CLMN: variants seen among roughly 807,000 people sequenced by gnomAD.
CLMN encodes calmin.
CLMN carries 57 observed loss-of-function variants against 92.7 expected under a neutral mutation model. The ratio of observed to expected loss-of-function variants is 0.61; its 90% confidence interval spans 0.50 to 0.77. The LOEUF (loss-of-function observed/expected upper bound fraction) is 0.77, where lower values mean the gene tolerates loss of function less well. CLMN is among the 30% of genes least tolerant of loss of function. CLMN has a pLI of 0.00. For missense variants in CLMN, 1,158 were observed against 1,237.5 expected (o/e 0.94, Z 0.96); for synonymous variants, 466 against 470.6 (o/e 0.99, Z 0.13).
At chr14:95,254,841 C>T (rs1336548081) in intron 1 of CLMN, among the ~76,000 whole-genome samples, 1 of 152,110 alleles carries the variant, frequency 6.6e-6, no homozygotes, top group Non-Finnish European at 1.5e-5. Context: ...CAGGTGTGTG[C>T]CACTATGCCT....
In CLMN at chr14:95,196,602, C is replaced by G; in HGVS notation, c.2604G>C (p.Arg868Ser). The G allele has an allele frequency of 6.2e-7, 1 of 1,614,192 alleles. No individual in the cohort carries two copies. Among genetic ancestry groups the G allele is most frequent in the Non-Finnish European group, 8.5e-7 (1 of 1,180,022 alleles). ...ESISSKKKEK[R>S]KHVDHVESSL... is the part of the protein sequence containing the mutation. ...AACTTTCTACGTGGTCCACATGTTT[C>G]CTTTTTTCCTTTTTTTTACTACTGA... Residue 868 changes from arginine to serine, a missense_variant, in exon 10 of 13, where the codon AGG (arginine) becomes AGC (serine). By Grantham distance (110) the Arg-to-Ser change is moderately radical. Coordinates refer to ENST00000298912, the MANE Select transcript of CLMN (RefSeq NM_024734.4).
chr14:95,248,086 T>G (rs932764782), intron 1 of CLMN, among the ~76,000 whole-genome samples: 5 of 151,356 alleles, frequency 3.3e-5, no homozygotes, highest in African/African-American at 1.2e-4. Flanking sequence ...GCTCAACTAA[T>G]TTCTTCAATA....
intron 1 of CLMN, among the ~76,000 whole-genome samples, chr14:95,289,466 A>AAAATAAATAAAT (rs749536553): frequency 1.4e-5 from 2 of 139,478 alleles, no homozygotes; most frequent in African/African-American, 5.4e-5. Flanking sequence ...TCTGTCTCAA[A>AAAATAAATAAAT]AAATAAATAA....
At chr14:95,234,649 G>C (rs1897994551) in intron 1 of CLMN, among the ~76,000 whole-genome samples, 1 of 152,216 alleles carries the variant, frequency 6.6e-6, no homozygotes, top group Non-Finnish European at 1.5e-5. Context: ...GGGTGGAGGA[G>C]CAGAAACTGG....
At chr14:95,279,643 C>T (rs1339066304) in intron 1 of CLMN, among the ~76,000 whole-genome samples, 1 of 152,206 alleles carries the variant, frequency 6.6e-6, no homozygotes, top group Non-Finnish European at 1.5e-5. Flanking sequence ...ATTAGCCAGA[C>T]GTGGTGGCGG....
intron 1 of CLMN, among the ~76,000 whole-genome samples, chr14:95,287,037 AC>A (rs1388290744): frequency 1.3e-5 from 2 of 152,202 alleles, no homozygotes; most frequent in Non-Finnish European, 2.9e-5. Flanking sequence ...CCGCAAGGCT[AC>A]CACATTTTGC....
intron 1 of CLMN, among the ~76,000 whole-genome samples, chr14:95,302,505 A>AT (rs1252620329): frequency 6.6e-6 from 1 of 152,182 alleles, no homozygotes; most frequent in African/African-American, 2.4e-5. Context: ...CAATATATAT[A>AT]TTTTTAATCT....
chr14:95,213,070 A>G, intron 6 of CLMN, 149 bp downstream of exon 6: 1 of 805,938 alleles, frequency 1.2e-6, no homozygotes, highest in Non-Finnish European at 1.9e-6. Context: ...TACAGGCATG[A>G]GCCACCGCGC....
intron 1 of CLMN, among the ~76,000 whole-genome samples, chr14:95,236,693 C>G (rs1898068793): frequency 6.6e-6 from 1 of 152,232 alleles, no homozygotes; most frequent in Non-Finnish European, 1.5e-5. Context: ...CCACAGAAGA[C>G]AGAGAAGAGT....
At chr14:95,225,423 G>C (rs2140625172) in intron 2 of CLMN, among the ~76,000 whole-genome samples, 2 of 152,326 alleles carry the variant, frequency 1.3e-5, no homozygotes, top group South Asian at 4.1e-4. Flanking sequence ...TCAGAGGACT[G>C]GGCTGGAATG....
chr14:95,279,803 A>G (rs779483323), intron 1 of CLMN, among the ~76,000 whole-genome samples: 1 of 152,184 alleles, frequency 6.6e-6, no homozygotes, highest in Non-Finnish European at 1.5e-5. Flanking sequence ...ACAAAACAAA[A>G]CAAAAATCAC....
chr14:95,288,642 A>G (rs1386276820), intron 1 of CLMN, among the ~76,000 whole-genome samples: 2 of 152,206 alleles, frequency 1.3e-5, no homozygotes, highest in Non-Finnish European at 2.9e-5. Context: ...CCACTTTCAA[A>G]AACTGTTTGG....
intron 1 of CLMN, among the ~76,000 whole-genome samples, chr14:95,274,958 G>A (rs536696078): frequency 1.6e-3 from 220 of 139,474 alleles, no homozygotes; most frequent in Non-Finnish European, 2.2e-3. Flanking sequence ...CCAGCCTGAC[G>A]ACAGGGCAAC....
rs1896642759 is a variant in CLMN at position 95,194,415 on chromosome 14, T to C, written c.2769+121A>G. The C allele has an allele frequency of 6.4e-7, 1 of 1,557,172 alleles. No homozygotes were observed. Among genetic ancestry groups the C allele is most frequent in the Non-Finnish European group, 8.7e-7 (1 of 1,150,434 alleles). On this transcript the variant is annotated intron_variant, in intron 11 of 12. Transcript: ENST00000298912. This position sits in a 1 kb window ranked among gnomAD's most constrained non-coding sequence, Gnocchi z 4.0. ...ATAAGGTTCCAATCTGCTTGTCTTC[T>C]ATCCAAAAGTATAGCTGTTGCATGC... is the stretch of plus-strand genomic sequence containing the variant.
chr14:95,204,431 A>G lies in CLMN; in HGVS notation c.918T>C (p.Pro306=). 6.3e-7 allele frequency: 1 copy of G among 1,599,896 alleles called. No homozygotes were observed. The highest frequency in any genetic ancestry group is 1.1e-5 in the South Asian group (1 of 88,284). ...EDIFDSDKEV[P]IESTFVRIKE... ...TGATGCGAACAAAAGTGGATTCGAT[A>G]GGAACTTCTTTATCTGAATCGAAAA... The change falls in exon 9 of 13, where the codon CCT becomes CCC. Residue 306 remains proline (P), a synonymous_variant. Transcript: ENST00000298912.
chr14:95,222,604 C>A, intron 3 of CLMN: 1 of 455,948 alleles, frequency 2.2e-6, no homozygotes, highest in Admixed American at 2.3e-5. Flanking sequence ...AGGGCTCTGG[C>A]AATAAAGTGG....
At chr14:95,210,990 A>C in intron 6 of CLMN, 111 bp from the exon 7 acceptor site, 2 of 1,123,796 alleles carry the variant, frequency 1.8e-6, no homozygotes, top group Non-Finnish European at 2.4e-6. Context: ...AGAGCTGCCG[A>C]CCTCGCCAGG....
At chr14:95,210,323 A>T (rs1373517102) in intron 7 of CLMN, among the ~76,000 whole-genome samples, 1 of 152,032 alleles carries the variant, frequency 6.6e-6, no homozygotes, top group Non-Finnish European at 1.5e-5. Flanking sequence ...AAGTGCTGGG[A>T]TTATAGGCGT....
chr14:95,288,056 G>A (rs1900409627), intron 1 of CLMN, among the ~76,000 whole-genome samples: 1 of 152,204 alleles, frequency 6.6e-6, no homozygotes, highest in South Asian at 2.1e-4. Context: ...TAACAGTCAA[G>A]TAACCTGTCT....
Sources: allele counts gnomAD v4.1 joint callset (sites outside exome capture counted in the v4.1 genomes callset), GRCh38; gene constraint gnomAD v4.1.1; non-coding constraint Gnocchi (gnomAD v3.1); transcripts MANE v1.5; gene names NCBI Gene and HGNC (gene_info 2026-07-23, HGNC 2026-07-21).